Variants in SHISA9 observed in about 807,000 individuals in gnomAD.
The protein encoded by SHISA9 is protein shisa-9.
Under a neutral mutation model 38.0 loss-of-function variants are expected in SHISA9, and 13 were observed. The ratio of observed to expected loss-of-function variants is 0.34; its 90% CI spans 0.22 to 0.54. The LOEUF (loss-of-function observed/expected upper bound fraction) is 0.54, where lower values mean the gene tolerates loss of function less well. Ranked by LOEUF, SHISA9 falls within the 20% of genes least tolerant of loss-of-function variation. SHISA9 has a pLI of 0.91. For missense variants in SHISA9, 538 were observed against 575.8 expected, an observed-to-expected ratio of 0.93 and a Z score of 0.67; for synonymous variants, 275 against 242.0, an observed-to-expected ratio of 1.14 and a Z score of -1.27.
At chr16:13,036,806 T>G (rs899219014) in intron 2 of SHISA9, among the ~76,000 whole-genome samples, 1 of 150,428 alleles carries the variant, frequency 6.6e-6, no homozygotes, top group Admixed American at 6.6e-5. Context: ...GCACCCCCAG[T>G]ACTAAATGAG....
chr16:13,037,219 T>C (rs549575439), intron 2 of SHISA9, among the ~76,000 whole-genome samples: 5 of 152,082 alleles, frequency 3.3e-5, no homozygotes, highest in African/African-American at 1.2e-4. Flanking sequence ...AATGGTGTTT[T>C]GCTCCCAGGG....
the SHISA9 span, among the ~76,000 whole-genome samples, chr16:13,334,167 G>A: frequency 2.7e-4 from 41 of 152,308 alleles, no homozygotes; most frequent in African/African-American, 7.9e-4. Flanking sequence ...ATTGGGGGCA[G>A]ACAATCATCA....
chr16:13,434,036 C>T, the SHISA9 span, among the ~76,000 whole-genome samples: 1 of 152,278 alleles, frequency 6.6e-6, no homozygotes, highest in South Asian at 2.1e-4. Context: ...CAGTACGAGT[C>T]CCAAAACCTC....
At chr16:13,229,922 A>C (rs1339302918) in intron 4 of SHISA9, among the ~76,000 whole-genome samples, 1 of 152,214 alleles carries the variant, frequency 6.6e-6, no homozygotes. Flanking sequence ...CTTAGACCAG[A>C]TAGGGGACCT....
At chr16:12,930,580 A>G (rs2071449744) in intron 2 of SHISA9, among the ~76,000 whole-genome samples, 1 of 152,162 alleles carries the variant, frequency 6.6e-6, no homozygotes, top group Non-Finnish European at 1.5e-5. Context: ...CTGACCCTCA[A>G]TTTCACTAGC....
At chr16:13,290,189 G>A in the SHISA9 span, among the ~76,000 whole-genome samples, 1 of 152,054 alleles carries the variant, frequency 6.6e-6, no homozygotes, top group African/African-American at 2.4e-5. Flanking sequence ...CTATGGTATT[G>A]TACATGTAGC....
the SHISA9 span, among the ~76,000 whole-genome samples, chr16:13,515,219 G>A: frequency 6.6e-6 from 1 of 152,002 alleles, no homozygotes; most frequent in Non-Finnish European, 1.5e-5. Context: ...TAAGAAAAGA[G>A]TGAAATAAAG....
the SHISA9 span, among the ~76,000 whole-genome samples, chr16:13,535,439 T>C: frequency 6.6e-6 from 1 of 152,172 alleles, no homozygotes. Flanking sequence ...TCATTATAAC[T>C]CTTATAGCCT....
the SHISA9 span, among the ~76,000 whole-genome samples, chr16:13,259,519 A>G: frequency 6.6e-6 from 1 of 152,204 alleles, no homozygotes; most frequent in Non-Finnish European, 1.5e-5. Context: ...TTCCTCCTGC[A>G]CTGCCCTAGC....
At chr16:13,013,528 C>T (rs1309209133) in intron 2 of SHISA9, among the ~76,000 whole-genome samples, 1 of 152,040 alleles carries the variant, frequency 6.6e-6, no homozygotes, top group African/African-American at 2.4e-5. Flanking sequence ...TTTGCTCAGC[C>T]CATGCCCCAG....
At chr16:13,504,747 T>C in the SHISA9 span, among the ~76,000 whole-genome samples, 4 of 152,216 alleles carry the variant, frequency 2.6e-5, no homozygotes, top group South Asian at 8.3e-4. Context: ...GCCCATTATA[T>C]ATCAACATCT....
chr16:13,029,086 G>T (rs1348027144), intron 2 of SHISA9, among the ~76,000 whole-genome samples: 1 of 151,994 alleles, frequency 6.6e-6, no homozygotes, highest in Non-Finnish European at 1.5e-5. Flanking sequence ...GTTTTTGTGG[G>T]CACCTAGTAG....
At chr16:12,997,898 T>A (rs2072478289) in intron 2 of SHISA9, among the ~76,000 whole-genome samples, 1 of 152,212 alleles carries the variant, frequency 6.6e-6, no homozygotes, top group Admixed American at 6.5e-5. Flanking sequence ...GAAGCTTGCA[T>A]ATTTCAAGAC....
At chr16:13,190,920 T>C (rs958855461) in intron 2 of SHISA9, among the ~76,000 whole-genome samples, 8 of 152,138 alleles carry the variant, frequency 5.3e-5, no homozygotes, top group African/African-American at 1.9e-4. Context: ...TTTTTTTTTC[T>C]TTATTGCAAA....
intron 2 of SHISA9, among the ~76,000 whole-genome samples, chr16:13,175,089 G>C (rs1004172857): frequency 2.6e-5 from 4 of 152,106 alleles, no homozygotes; most frequent in Non-Finnish European, 5.9e-5. Flanking sequence ...TGGGATGGAC[G>C]TGGTAGCTGG....
chr16:13,296,685 G>A, the SHISA9 span, among the ~76,000 whole-genome samples: 1 of 152,058 alleles, frequency 6.6e-6, no homozygotes, highest in African/African-American at 2.4e-5. Flanking sequence ...GAGATCAGGA[G>A]TTCAAGACCA....
the SHISA9 span, among the ~76,000 whole-genome samples, chr16:13,375,679 A>C: frequency 6.6e-6 from 1 of 152,110 alleles, no homozygotes; most frequent in East Asian, 1.9e-4. Flanking sequence ...TAGCCAAAAA[A>C]CAAAAAAACA....
chr16:13,143,033 T>A (rs1312582938), intron 2 of SHISA9, among the ~76,000 whole-genome samples: 1 of 149,698 alleles, frequency 6.7e-6, no homozygotes, highest in African/African-American at 2.4e-5. Flanking sequence ...TAAGACAGAG[T>A]TTTGCTCTTG....
intron 2 of SHISA9, among the ~76,000 whole-genome samples, chr16:12,965,468 A>C (rs982081263): frequency 6.6e-6 from 1 of 152,198 alleles, no homozygotes; most frequent in African/African-American, 2.4e-5. Context: ...TTGGGCACCT[A>C]TCGTGTGGGA....
Sources: gnomAD v4.1 joint callset for allele counts (sites outside exome capture counted in the v4.1 genomes callset) on GRCh38, gnomAD v4.1.1 for gene constraint, MANE v1.5 for transcripts, NCBI Gene and HGNC (gene_info 2026-07-23, HGNC 2026-07-21) for gene names.